The following FANCI variants were observed in gnomAD, a reference collection of about 807,000 sequenced individuals.
FANCI encodes the protein Fanconi anemia group I protein.
A neutral mutation model predicts 176.1 loss-of-function variants in FANCI; 156 were observed. The observed-to-expected ratio is 0.89, with a 90% CI of 0.78 to 1.01. The LOEUF (loss-of-function observed/expected upper bound fraction) is 1.01. Ranked by LOEUF, FANCI falls within the 50% of genes least tolerant of loss-of-function variation. The pLI, the probability that FANCI is intolerant of heterozygous loss-of-function variation, is 0.00. For missense variants in FANCI, 1,678 were observed against 1,534.1 expected, an observed-to-expected ratio of 1.09 and a Z score of -1.57; for synonymous variants, 613 against 541.7, an observed-to-expected ratio of 1.13 and a Z score of -1.83.
At chr15:89,282,132 C>T in intron 16 of FANCI, 1 of 391,688 alleles carries the variant, frequency 2.6e-6, no homozygotes, top group Non-Finnish European at 4.9e-6. Flanking sequence ...GGTGGTGGAG[C>T]AAGGATTCAA....
chr15:89,265,840 G>A (rs2052925944), intron 9 of FANCI, among the ~76,000 whole-genome samples: 1 of 152,020 alleles, frequency 6.6e-6, no homozygotes. Flanking sequence ...TGTTTTTTAA[G>A]CAAACATTTG....
At chr15:89,270,911 A>C (rs1474357627) in intron 10 of FANCI, among the ~76,000 whole-genome samples, 2 of 152,192 alleles carry the variant, frequency 1.3e-5, no homozygotes, top group Admixed American at 1.3e-4. Context: ...TCTGTAGGAA[A>C]GGATATTTAA....
At chr15:89,295,171 A>G in intron 24 of FANCI, 77 bp downstream of exon 24, 1 of 1,459,008 alleles carries the variant, frequency 6.9e-7, no homozygotes, top group Non-Finnish European at 9.2e-7. Flanking sequence ...GGAACAGAGG[A>G]TGAAGGTAAT....
chr15:89,304,237 T>G (rs1343579557), intron 28 of FANCI, among the ~76,000 whole-genome samples: 2 of 152,208 alleles, frequency 1.3e-5, no homozygotes, highest in African/African-American at 4.8e-5. Flanking sequence ...CAGCACTATT[T>G]TAGTAGGTAA....
chr15:89,302,616 C>G (rs2151878624), intron 27 of FANCI, among the ~76,000 whole-genome samples: 1 of 151,668 alleles, frequency 6.6e-6, no homozygotes, highest in South Asian at 2.1e-4. Context: ...CTCTGTCTCC[C>G]AGGCTGGAGT....
intron 9 of FANCI, among the ~76,000 whole-genome samples, 163 bp from the exon 10 acceptor site, chr15:89,268,236 A>G (rs1299914578): frequency 6.6e-6 from 1 of 152,176 alleles, no homozygotes; most frequent in Non-Finnish European, 1.5e-5. Context: ...CTGGGACTAT[A>G]GGAATGCCAC....
intron 6 of FANCI, among the ~76,000 whole-genome samples, chr15:89,262,679 C>A (rs1017870297): frequency 1.3e-5 from 2 of 152,110 alleles, no homozygotes; most frequent in Non-Finnish European, 2.9e-5. Context: ...ATGTATTTGT[C>A]AATTAATTTG....
intron 30 of FANCI, 45 bp downstream of exon 30, chr15:89,305,454 T>C (rs747060987): frequency 1.6e-5 from 25 of 1,612,108 alleles, no homozygotes; most frequent in South Asian, 2.2e-5. Context: ...TGTCATTCTT[T>C]CCATTCTACT....
At chr15:89,317,232 C>A, downstream of FANCI, 1 of 722,662 alleles carries the variant, frequency 1.4e-6, no homozygotes, top group East Asian at 2.7e-5. Flanking sequence ...GGACACAGGG[C>A]ACCTTATAAA....
intron 35 of FANCI, among the ~76,000 whole-genome samples, chr15:89,313,341 T>C (rs1274028158): frequency 6.6e-6 from 1 of 152,198 alleles, no homozygotes; most frequent in Non-Finnish European, 1.5e-5. Flanking sequence ...TTGTGTGTAT[T>C]ATATACATGG....
At chr15:89,313,120 A>T (rs1173595029) in intron 35 of FANCI, 148 bp downstream of exon 35, 7 of 797,912 alleles carry the variant, frequency 8.8e-6, no homozygotes, top group South Asian at 7.2e-5. Context: ...GGCAAACTAG[A>T]TTAGTGGTAG....
rs567850832 is a variant in FANCI at position 89,268,283 on chromosome 15, C to A, written c.756-116C>A. 4.3e-5 allele frequency: 45 copies of A among 1,051,968 alleles called. No homozygotes were observed. In the African/African-American group the frequency reaches 5.3e-4, roughly 12 times the overall value. 65.2% of individuals were successfully genotyped at this position (1,051,968 alleles called of 1,614,324 possible). ...GATTTTTTTGTATTTTTAGTAGAGG[C>A]TGGTCTTGAACTCCTGGGATCAAGT... is the stretch of plus-strand genomic sequence containing the variant. On this transcript the variant is annotated intron_variant, in intron 9 of 37. Transcript: ENST00000310775.
chr15:89,252,891 A>G (rs979176769), intron 2 of FANCI, among the ~76,000 whole-genome samples: 1 of 152,356 alleles, frequency 6.6e-6, no homozygotes, highest in Middle Eastern at 3.4e-3. Flanking sequence ...AATTCTTCCA[A>G]AGTTAATTTA....
intron 18 of FANCI, among the ~76,000 whole-genome samples, chr15:89,288,644 GA>G (rs2053924466): frequency 6.8e-6 from 1 of 148,052 alleles, no homozygotes; most frequent in Admixed American, 6.7e-5. Flanking sequence ...TTAAGAGACA[GA>G]GTCTTCCTCT....
chr15:89,292,747 C>G lies in FANCI; in HGVS notation c.2052C>G (p.Pro684=). ...CLAWYKNTVI[P]LQQGEEEEEE... ...CCTGGTATAAGAATACAGTCATACC[C>G]TTACAGCAGGGAGAGGAGGAAGAGG... The change falls in exon 21 of 38, where the codon CCC becomes CCG. Residue 684 remains proline (P), a synonymous_variant. Transcript: ENST00000310775. 6.2e-7 allele frequency: 1 copy of G among 1,613,862 alleles called. No homozygotes were observed. The highest frequency in any genetic ancestry group is 8.5e-7 in the Non-Finnish European group (1 of 1,179,966).
Position 89,258,703 on chromosome 15 carries a change from G to A in FANCI, c.85-1G>A. The A allele has an allele frequency of 2.5e-6, 4 of 1,612,622 alleles. No homozygotes were observed. Among genetic ancestry groups the A allele is most frequent in the Non-Finnish European group, 3.4e-6 (4 of 1,178,720 alleles). On this transcript the variant is annotated splice_acceptor_variant, in intron 2 of 37. Coordinates refer to ENST00000310775, the MANE Select transcript of FANCI (RefSeq NM_001113378.2). LOFTEE classifies it high-confidence loss of function. ...ACTTGTACCTTTTTCTTTCTTTGCAGTTGACTAATCTCCTTCAGAATCAAG... is the reference window on the plus strand; with the variant it reads ...ACTTGTACCTTTTTCTTTCTTTGCAATTGACTAATCTCCTTCAGAATCAAG...
At chr15:89,270,195 T>G (rs996503393) in intron 10 of FANCI, among the ~76,000 whole-genome samples, 2 of 152,150 alleles carry the variant, frequency 1.3e-5, no homozygotes, top group Non-Finnish European at 2.9e-5. Context: ...AGGTAGTGGG[T>G]TGGATTTGGC....
chr15:89,307,442 C>T (rs2054767122), intron 32 of FANCI, 34 bp from the exon 33 acceptor site: 1 of 1,595,722 alleles, frequency 6.3e-7, no homozygotes. Context: ...TTTCATAGGA[C>T]AGTCTACTAA....
At chr15:89,245,367 TTTTG>T in intron 1 of FANCI, 4 of 122,820 alleles carry the variant, frequency 3.3e-5, no homozygotes, top group Admixed American at 8.1e-5. Flanking sequence ...TTTTTTTTTT[TTTTG>T]TATTTTTAGT....
Sources: allele counts gnomAD v4.1 joint callset (sites outside exome capture counted in the v4.1 genomes callset), GRCh38; gene constraint gnomAD v4.1.1; transcripts MANE v1.5; gene names NCBI Gene and HGNC (gene_info 2026-07-23, HGNC 2026-07-21).